The following UGT1A8 variants were observed in gnomAD, a reference collection of about 807,000 sequenced individuals.
UGT1A8 encodes UDP glucuronosyltransferase family 1 member A8, also known as UDP-glucuronosyltransferase 1A8.
In UGT1A8, 39 loss-of-function variants were observed where a neutral mutation model predicts 45.3. That is an observed-to-expected ratio of 0.86 (90% confidence interval 0.67 to 1.12). The LOEUF (loss-of-function observed/expected upper bound fraction) is 1.12, where lower values mean the gene tolerates loss of function less well. Among genes scored for constraint, UGT1A8 ranks in the 50% most tolerant of loss-of-function variants. The probability of loss-of-function intolerance (pLI) is 0.00; values close to 1 mark genes in which losing one functional copy is unlikely to be tolerated. For missense variants in UGT1A8, 719 were observed against 664.9 expected (o/e 1.08, Z -0.90); for synonymous variants, 275 against 249.2 (o/e 1.10, Z -0.97).
intron 1 of UGT1A8, among the ~76,000 whole-genome samples, chr2:233,621,366 T>G (rs1559311689): frequency 6.6e-6 from 1 of 152,136 alleles, no homozygotes; most frequent in Non-Finnish European, 1.5e-5. Context: ...TGGTTTTAGG[T>G]GAAAAGAATT....
At chr2:233,721,999 A>G (rs1463858336) in intron 1 of UGT1A8, 3 of 263,690 alleles carry the variant, frequency 1.1e-5, no homozygotes, top group African/African-American at 6.7e-5. Flanking sequence ...AATGTCCTTT[A>G]AGTGAACAGG....
intron 1 of UGT1A8, among the ~76,000 whole-genome samples, chr2:233,766,135 C>T (rs569141558): frequency 2.0e-5 from 3 of 152,288 alleles, no homozygotes; most frequent in Admixed American, 6.5e-5. Context: ...CCAGAAGAAT[C>T]GAATCCCACC....
At chr2:233,692,066 G>T (rs1433912228) in intron 1 of UGT1A8, 2 of 152,176 alleles carry the variant, frequency 1.3e-5, no homozygotes, top group Admixed American at 6.5e-5. Context: ...AGGGAAGAAA[G>T]GAGAGAGAGA....
At chr2:233,712,852 G>A (rs2076258090) in intron 1 of UGT1A8, 16 of 1,544,082 alleles carry the variant, frequency 1.0e-5, no homozygotes, top group Non-Finnish European at 1.4e-5. Context: ...CGGGTAATAA[G>A]TAACTGGAGG....
intron 1 of UGT1A8, chr2:233,671,817 T>A (rs1017115072): frequency 2.6e-5 from 37 of 1,423,448 alleles, no homozygotes; most frequent in South Asian, 2.2e-4. Context: ...ATTTTTTTTT[T>A]ATGAAAGGAT....
At chr2:233,768,583 T>C (rs2538830) in intron 4 of UGT1A8, 144 bp downstream of exon 4, 1 of 47,932 alleles carries the variant, frequency 2.1e-5, no homozygotes, top group Non-Finnish European at 2.6e-5. Flanking sequence ...TTATTTCTTC[T>C]TTTTTTTTTT....
At chr2:233,713,300 A>G in intron 1 of UGT1A8, 1 of 1,614,272 alleles carries the variant, frequency 6.2e-7, no homozygotes, top group Non-Finnish European at 8.5e-7. Context: ...TCTTTGAAAC[A>G]GAACATCTTC....
intron 1 of UGT1A8, among the ~76,000 whole-genome samples, chr2:233,671,053 G>T (rs1320072969): frequency 1.3e-5 from 2 of 152,164 alleles, no homozygotes; most frequent in Admixed American, 6.6e-5. Context: ...CATAGCATGG[G>T]TACTGTGAAA....
intron 1 of UGT1A8, among the ~76,000 whole-genome samples, chr2:233,766,588 C>T (rs1357032158): frequency 3.3e-5 from 5 of 152,174 alleles, no homozygotes; most frequent in Non-Finnish European, 5.9e-5. Flanking sequence ...GGGTGGAGCC[C>T]TCGCCAGGGA....
At chr2:233,727,412 AG>A (rs1009370497) in intron 1 of UGT1A8, among the ~76,000 whole-genome samples, 2 of 152,150 alleles carry the variant, frequency 1.3e-5, no homozygotes, top group African/African-American at 2.4e-5. Context: ...GGGCCTCCTC[AG>A]GGTCTGGGAG....
At chr2:233,739,452 G>C (rs115541121) in intron 1 of UGT1A8, among the ~76,000 whole-genome samples, 1,700 of 152,308 alleles carry the variant, frequency 0.011, 37 homozygotes, top group African/African-American at 0.039. Flanking sequence ...AAGCCACAGG[G>C]TTGGAGCTGC....
chr2:233,765,939 C>T (rs570894932), intron 1 of UGT1A8, among the ~76,000 whole-genome samples: 8 of 152,214 alleles, frequency 5.3e-5, no homozygotes, highest in African/African-American at 1.7e-4. Flanking sequence ...GGTTGTGGGG[C>T]TCTGACCTCA....
At chr2:233,700,064 G>T (rs1274980816) in intron 1 of UGT1A8, among the ~76,000 whole-genome samples, 2 of 152,314 alleles carry the variant, frequency 1.3e-5, no homozygotes, top group South Asian at 2.1e-4. Context: ...ATCCAGTGGT[G>T]TCTACCCAGC....
At chr2:233,693,070 C>A (rs1288884840) in intron 1 of UGT1A8, 3 of 1,614,008 alleles carry the variant, frequency 1.9e-6, no homozygotes, top group Non-Finnish European at 2.5e-6. Context: ...CACTTTGGGG[C>A]ATGGTTGTAG....
chr2:233,733,332 C>T (rs1191516826), intron 1 of UGT1A8, among the ~76,000 whole-genome samples: 5 of 152,198 alleles, frequency 3.3e-5, no homozygotes, highest in East Asian at 1.9e-4. Context: ...CTGGCCAGAA[C>T]TTCCAACAGT....
Position 233,769,666 on chromosome 2 carries a change from T to C in UGT1A8, c.1295+1227T>C. 1 of 1,592,264 alleles carries C rather than the reference T, an allele frequency of 6.3e-7. No individual in the cohort carries two copies. The highest frequency in any genetic ancestry group is 8.6e-7 in the Non-Finnish European group (1 of 1,169,428). On this transcript the variant is annotated intron_variant, in intron 4 of 4. Transcript: ENST00000373450. This position sits in a 1 kb window ranked among gnomAD's most constrained non-coding sequence, Gnocchi z 4.4. ...GATGACTGACTTCCCACCTTTGAGG[T>C]GCTAATGTGTGTGTGGTGGCACTGG...
At chr2:233,657,257 G>GT (rs968085622) in intron 1 of UGT1A8, among the ~76,000 whole-genome samples, 3 of 152,112 alleles carry the variant, frequency 2.0e-5, no homozygotes, top group South Asian at 2.1e-4. Context: ...TGGCGGTTTA[G>GT]TTTTTTTGTG....
intron 1 of UGT1A8, chr2:233,672,137 G>A (rs1206832619): frequency 6.2e-7 from 1 of 1,614,194 alleles, no homozygotes; most frequent in Non-Finnish European, 8.5e-7. Flanking sequence ...CAACTGGGAA[G>A]ATCACTGAAT....
At chr2:233,679,547 T>A (rs1281095100) in intron 1 of UGT1A8, among the ~76,000 whole-genome samples, 1 of 151,974 alleles carries the variant, frequency 6.6e-6, no homozygotes, top group Non-Finnish European at 1.5e-5. Flanking sequence ...TGTGTCATCT[T>A]TTTTTTTGTT....
Sources: gnomAD v4.1 joint callset for allele counts (sites outside exome capture counted in the v4.1 genomes callset) on GRCh38, gnomAD v4.1.1 for gene constraint, Gnocchi (gnomAD v3.1) non-coding constraint, MANE v1.5 for transcripts, NCBI Gene and HGNC (gene_info 2026-07-23, HGNC 2026-07-21) for gene names.